PTPRN2: variants seen among roughly 807,000 people sequenced by gnomAD.
PTPRN2 encodes the protein protein tyrosine phosphatase receptor type N2.
Under a neutral mutation model 118.8 loss-of-function variants are expected in PTPRN2, and 74 were observed. The ratio of observed to expected loss-of-function variants is 0.62; its 90% CI spans 0.52 to 0.76. The LOEUF (loss-of-function observed/expected upper bound fraction) is 0.76, where lower values mean the gene tolerates loss of function less well. PTPRN2 is among the 30% of genes least tolerant of loss of function. PTPRN2 has a pLI of 0.00. For missense variants in PTPRN2, 1,481 were observed against 1,394.4 expected, an observed-to-expected ratio of 1.06 and a Z score of -0.99; for synonymous variants, 641 against 608.0, an observed-to-expected ratio of 1.05 and a Z score of -0.80.
chr7:158,411,028 C>CCGGACAGCCCA (rs1434733528), intron 2 of PTPRN2, among the ~76,000 whole-genome samples: 7 of 151,700 alleles, frequency 4.6e-5, no homozygotes, highest in Non-Finnish European at 8.8e-5. Flanking sequence ...CCACAGAGAT[C>CCGGACAGCCCA]CGGACAGGCT....
chr7:158,316,673 C>T, intron 3 of PTPRN2, 146 bp downstream of exon 3: 3 of 620,414 alleles, frequency 4.8e-6, no homozygotes, highest in Non-Finnish European at 8.3e-6. Context: ...CACCCATGAG[C>T]CCAGCGCCCG....
chr7:158,142,018 G>C (rs550193861), intron 6 of PTPRN2, among the ~76,000 whole-genome samples: 1 of 152,136 alleles, frequency 6.6e-6, no homozygotes, highest in African/African-American at 2.4e-5. Context: ...TGAATTGTTC[G>C]GCAGACAGTG....
chr7:158,212,471 C>A (rs1194501583), intron 3 of PTPRN2, among the ~76,000 whole-genome samples: 1 of 152,058 alleles, frequency 6.6e-6, no homozygotes, highest in Non-Finnish European at 1.5e-5. Flanking sequence ...GCATTGTATG[C>A]CTGTATCAAA....
intron 11 of PTPRN2, among the ~76,000 whole-genome samples, chr7:158,031,765 G>A (rs1475328411): frequency 6.6e-6 from 1 of 152,226 alleles, no homozygotes; most frequent in Non-Finnish European, 1.5e-5. Flanking sequence ...GGTAAATAAA[G>A]TGACAGATAA....
At chr7:157,593,749 T>C (rs10807649) in intron 17 of PTPRN2, among the ~76,000 whole-genome samples, 134,053 of 151,990 alleles carry the variant, frequency 0.88, 59,169 homozygotes, top group Middle Eastern at 0.94. Flanking sequence ...ACGAAACTCC[T>C]GAGACGATGG....
rs1823762903 is a variant in PTPRN2 at position 158,518,798 on chromosome 7, A to C, written c.113-29013T>G. On this transcript the variant is annotated intron_variant, in intron 1 of 22. Coordinates refer to ENST00000389418, the MANE Select transcript of PTPRN2 (RefSeq NM_002847.5). ...TCAGGAGTTCAAGACCAGCCTGGGC[A>C]ACATGGCGAAACCCCGTCTCTATAA... Among the ~76,000 whole-genome samples, 4 of 152,156 alleles carry C rather than the reference A, an allele frequency of 2.6e-5. No individual in the cohort carries two copies. In the South Asian group the frequency reaches 8.3e-4, roughly 32 times the overall value.
intron 4 of PTPRN2, among the ~76,000 whole-genome samples, chr7:158,204,863 C>G (rs1309903886): frequency 6.6e-6 from 1 of 152,196 alleles, no homozygotes; most frequent in African/African-American, 2.4e-5. Flanking sequence ...TAATTTCTTA[C>G]TGAGAAATGA....
chr7:158,441,016 T>A (rs1817024918), intron 2 of PTPRN2, among the ~76,000 whole-genome samples: 1 of 147,480 alleles, frequency 6.8e-6, no homozygotes, highest in Non-Finnish European at 1.5e-5. Flanking sequence ...GTGGTGGTAG[T>A]CGTGGTGGTG....
At chr7:158,130,568 TAC>T (rs199624408) in intron 9 of PTPRN2, among the ~76,000 whole-genome samples, 2,118 of 147,902 alleles carry the variant, frequency 0.014, 68 homozygotes, top group African/African-American at 0.044. Flanking sequence ...TACACTCATA[TAC>T]ACACATGCAC....
At chr7:158,102,871 C>T (rs975859889) in intron 10 of PTPRN2, among the ~76,000 whole-genome samples, 5 of 152,104 alleles carry the variant, frequency 3.3e-5, no homozygotes, top group East Asian at 3.9e-4. Flanking sequence ...CTGGGGGCCA[C>T]GGTGCAGGGA....
chr7:158,257,694 C>T (rs1007366832), intron 3 of PTPRN2, among the ~76,000 whole-genome samples: 2 of 152,250 alleles, frequency 1.3e-5, no homozygotes, highest in East Asian at 1.9e-4. Flanking sequence ...CCTGCAGCTC[C>T]GCTCCTGGAG....
intron 12 of PTPRN2, among the ~76,000 whole-genome samples, chr7:157,753,274 C>T (rs1409364354): frequency 6.6e-6 from 1 of 152,190 alleles, no homozygotes; most frequent in Admixed American, 6.5e-5. Context: ...GGTGCTGTTC[C>T]CTGGCCGATG....
chr7:157,757,562 T>C (rs1270108197), intron 12 of PTPRN2, among the ~76,000 whole-genome samples: 1 of 150,852 alleles, frequency 6.6e-6, no homozygotes, highest in East Asian at 1.9e-4. Context: ...CGGGAGGTGT[T>C]AAGATGCAAG....
At chr7:157,817,942 A>G (rs1313434956) in intron 12 of PTPRN2, among the ~76,000 whole-genome samples, 1 of 151,164 alleles carries the variant, frequency 6.6e-6, no homozygotes, top group Non-Finnish European at 1.5e-5. Flanking sequence ...TATGGTGTAT[A>G]TGTGTGTTAT....
intron 4 of PTPRN2, among the ~76,000 whole-genome samples, chr7:158,195,676 C>T (rs1000071824): frequency 4.7e-5 from 7 of 150,000 alleles, no homozygotes; most frequent in Non-Finnish European, 8.9e-5. Context: ...ATTGCTGTGT[C>T]TTCAAGTTCA....
At chr7:158,566,617 C>A (rs1338636963) in intron 1 of PTPRN2, among the ~76,000 whole-genome samples, 1 of 152,246 alleles carries the variant, frequency 6.6e-6, no homozygotes, top group Non-Finnish European at 1.5e-5. Flanking sequence ...CTCTAAAGGT[C>A]TCCATCCTGG....
chr7:158,031,558 A>G (rs897384575), intron 11 of PTPRN2, among the ~76,000 whole-genome samples: 4 of 152,234 alleles, frequency 2.6e-5, no homozygotes, highest in African/African-American at 9.6e-5. Flanking sequence ...ATGAAAAAAT[A>G]TAATCATTAG....
At chr7:158,530,972 CTGTA>C (rs1174090710) in intron 1 of PTPRN2, among the ~76,000 whole-genome samples, 2 of 152,252 alleles carry the variant, frequency 1.3e-5, no homozygotes, top group South Asian at 4.1e-4. Context: ...ACGGATGTAT[CTGTA>C]TGCGGATGTG....
rs1322699783 is a variant in PTPRN2, at chr7:157,550,237, G to C, written c.2903-1218C>G. On this transcript the variant is annotated intron_variant, in intron 21 of 22. Coordinates refer to ENST00000389418, the MANE Select transcript of PTPRN2 (RefSeq NM_002847.5). The surrounding 1 kb of genome is among the most constrained non-coding windows in gnomAD (Gnocchi z 5.2). ...TCATGGGGTGGCAACTGTGAAGCCA[G>C]TGGGGGCTCAGGCTCCAGGAGGATC... 6.6e-6 allele frequency among the ~76,000 whole-genome samples: 1 copy of C among 152,232 alleles called. No homozygotes were observed. The highest frequency in any genetic ancestry group is 1.5e-5 in the Non-Finnish European group (1 of 68,036).
Sources: gnomAD v4.1 joint callset for allele counts (sites outside exome capture counted in the v4.1 genomes callset) on GRCh38, gnomAD v4.1.1 for gene constraint, Gnocchi (gnomAD v3.1) non-coding constraint, MANE v1.5 for transcripts, NCBI Gene and HGNC (gene_info 2026-07-23, HGNC 2026-07-21) for gene names.